Variants in MAGI1 observed in about 807,000 individuals in gnomAD.
The protein encoded by MAGI1 is membrane associated guanylate kinase, WW and PDZ domain containing 1.
A neutral mutation model predicts 139.9 loss-of-function variants in MAGI1; 58 were observed. The observed-to-expected ratio is 0.41, with a 90% confidence interval of 0.34 to 0.52. The LOEUF (loss-of-function observed/expected upper bound fraction) is 0.52. Among genes scored for constraint, MAGI1 ranks in the 20% least tolerant of loss-of-function variants. MAGI1 has a pLI of 0.12. For synonymous variants in MAGI1, 812 were observed against 737.9 expected (o/e 1.10, Z -1.63); for missense variants, 1,874 against 1,901.6 (o/e 0.99, Z 0.27).
At chr3:65,438,104 C>T (rs1221969815) in intron 9 of MAGI1, among the ~76,000 whole-genome samples, 1 of 152,078 alleles carries the variant, frequency 6.6e-6, no homozygotes, top group South Asian at 2.1e-4. Flanking sequence ...CTACTCACAA[C>T]AGCAAAGATA....
chr3:65,992,302 T>C (rs2066224927), intron 1 of MAGI1, among the ~76,000 whole-genome samples: 1 of 152,236 alleles, frequency 6.6e-6, no homozygotes, highest in Non-Finnish European at 1.5e-5. Context: ...AAACAGTGAC[T>C]CACCTATATC....
intron 1 of MAGI1, among the ~76,000 whole-genome samples, chr3:65,764,925 G>C (rs1413374880): frequency 6.6e-6 from 1 of 152,188 alleles, no homozygotes; most frequent in Non-Finnish European, 1.5e-5. Context: ...CATGGCAACA[G>C]ACTATGTACT....
intron 1 of MAGI1, among the ~76,000 whole-genome samples, chr3:65,846,148 G>GC (rs960496494): frequency 1.8e-4 from 28 of 152,168 alleles, no homozygotes; most frequent in African/African-American, 6.3e-4. Flanking sequence ...CAGGGACCAG[G>GC]CAGCTATAAA....
chr3:65,539,785 T>C (rs980987200), intron 2 of MAGI1, among the ~76,000 whole-genome samples: 1 of 152,220 alleles, frequency 6.6e-6, no homozygotes, highest in African/African-American at 2.4e-5. Flanking sequence ...AAATACAGTT[T>C]ACATACCAAT....
intron 1 of MAGI1, among the ~76,000 whole-genome samples, chr3:65,915,925 T>C (rs961105081): frequency 3.3e-5 from 5 of 151,494 alleles, no homozygotes; most frequent in Non-Finnish European, 7.4e-5. Context: ...TGTGTATTTA[T>C]TATCATTTCT....
At chr3:65,919,948 G>A (rs1217257250) in intron 1 of MAGI1, among the ~76,000 whole-genome samples, 1 of 151,960 alleles carries the variant, frequency 6.6e-6, no homozygotes, top group African/African-American at 2.4e-5. Context: ...TAAGATTCCT[G>A]GAAACTCAGG....
intron 2 of MAGI1, among the ~76,000 whole-genome samples, chr3:65,606,149 C>T (rs1199314621): frequency 1.3e-5 from 2 of 151,994 alleles, no homozygotes; most frequent in Admixed American, 1.3e-4. Context: ...ATACTATTGT[C>T]CCAATTTTAT....
At chr3:65,521,883 T>C (rs2078180935) in intron 2 of MAGI1, among the ~76,000 whole-genome samples, 1 of 152,168 alleles carries the variant, frequency 6.6e-6, no homozygotes, top group Non-Finnish European at 1.5e-5. Context: ...ATTAATCTGA[T>C]TGCTTATTTC....
chr3:65,539,025 C>T (rs183061797), intron 2 of MAGI1, among the ~76,000 whole-genome samples: 1 of 151,754 alleles, frequency 6.6e-6, no homozygotes, highest in African/African-American at 2.4e-5. Flanking sequence ...ATCAAACAGA[C>T]ACACATACCA....
intron 18 of MAGI1, among the ~76,000 whole-genome samples, chr3:65,370,776 G>A (rs1298032577): frequency 6.6e-6 from 1 of 152,146 alleles, no homozygotes; most frequent in Non-Finnish European, 1.5e-5. Context: ...CCTGCCCGTT[G>A]CCCCAAATAG....
intron 1 of MAGI1, among the ~76,000 whole-genome samples, chr3:65,673,701 ACAAACACCTCACT>A (rs1238195166): frequency 6.6e-6 from 1 of 152,214 alleles, no homozygotes; most frequent in Admixed American, 6.5e-5. Flanking sequence ...ATCTTCAGAC[ACAAACACCTCACT>A]CATCTCACTA....
intron 13 of MAGI1, among the ~76,000 whole-genome samples, chr3:65,399,669 T>C (rs1285131659): frequency 6.6e-6 from 1 of 152,198 alleles, no homozygotes; most frequent in Non-Finnish European, 1.5e-5. Context: ...CCCAAGTAAT[T>C]GGCTTGCTGC....
chr3:65,526,015 C>G (rs981709156), intron 2 of MAGI1, among the ~76,000 whole-genome samples: 8 of 152,076 alleles, frequency 5.3e-5, no homozygotes, highest in Admixed American at 3.3e-4. Context: ...CTAATCTTTG[C>G]AAAAACAAAG....
chr3:65,600,791 T>C (rs773916554), intron 2 of MAGI1, among the ~76,000 whole-genome samples: 47 of 152,244 alleles, frequency 3.1e-4, no homozygotes, highest in South Asian at 4.2e-4. Flanking sequence ...ACATTGAAAG[T>C]AATTAGAGAA....
Position 65,442,842 on chromosome 3 carries a change from A to T in MAGI1, c.1086T>A (p.Pro362=), listed in dbSNP as rs764387561. The change falls in exon 8 of 23, where the codon CCT becomes CCA. Residue 362 remains proline, a synonymous_variant. Coordinates refer to ENST00000402939, the MANE Select transcript of MAGI1 (RefSeq NM_001033057.2). ...GGTCTTCAATCTTTTCCCAACCAGC[A>T]GGCAGTTCTGAAAAATAAAAGAACA... is the stretch of plus-strand genomic sequence containing the variant. ...TEELDSELEL[P]AGWEKIEDPV... is the part of the protein sequence containing the mutation. 1 of 1,612,970 alleles carries T rather than the reference A, an allele frequency of 6.2e-7. No homozygotes were observed. Among genetic ancestry groups the T allele is most frequent in the Non-Finnish European group, 8.5e-7 (1 of 1,179,294 alleles).
chr3:66,001,064 T>C (rs1298196882), intron 1 of MAGI1, among the ~76,000 whole-genome samples: 2 of 152,118 alleles, frequency 1.3e-5, no homozygotes, highest in African/African-American at 2.4e-5. Flanking sequence ...TGCTATCAAA[T>C]AGGGGAGACA....
chr3:65,590,614 C>T (rs181732983), intron 2 of MAGI1, among the ~76,000 whole-genome samples: 1 of 152,150 alleles, frequency 6.6e-6, no homozygotes, highest in Non-Finnish European at 1.5e-5. Context: ...GCTGTCCCCC[C>T]CATTCGTCTT....
Position 65,404,128 on chromosome 3 carries a change from G to A in MAGI1, c.2168-2658C>T, listed in dbSNP as rs762761973. On this transcript the variant is annotated intron_variant, in intron 12 of 22. Coordinates refer to ENST00000402939, the MANE Select transcript of MAGI1 (RefSeq NM_001033057.2). ...GGATATGTTCAATAGTGGCAAGGAGGGGCAAGGATCAGAGGGACTCATTTA... is the reference window on the plus strand; with the variant it reads ...GGATATGTTCAATAGTGGCAAGGAGAGGCAAGGATCAGAGGGACTCATTTA... 5.3e-5 allele frequency among the ~76,000 whole-genome samples: 8 copies of A among 152,282 alleles called. 1 individual carries two copies. The highest frequency in any genetic ancestry group is 1.0e-4 in the Non-Finnish European group (7 of 68,034).
intron 12 of MAGI1, among the ~76,000 whole-genome samples, chr3:65,404,376 C>T (rs1945162262): frequency 6.6e-6 from 1 of 152,186 alleles, no homozygotes; most frequent in South Asian, 2.1e-4. Context: ...CCCAGCTCAA[C>T]TGACACAACA....
Sources: gnomAD v4.1 joint callset for allele counts (sites outside exome capture counted in the v4.1 genomes callset) on GRCh38, gnomAD v4.1.1 for gene constraint, MANE v1.5 for transcripts, NCBI Gene and HGNC (gene_info 2026-07-23, HGNC 2026-07-21) for gene names.